The following SLC16A9 variants were observed in gnomAD, a reference collection of about 807,000 sequenced individuals.
SLC16A9 encodes the protein monocarboxylate transporter 9.
SLC16A9 carries 26 observed loss-of-function variants against 44.3 expected under a neutral mutation model. That is an observed-to-expected ratio of 0.59 (90% CI 0.43 to 0.81). The LOEUF (loss-of-function observed/expected upper bound fraction) is 0.81. Ranked by LOEUF, SLC16A9 falls within the 40% of genes least tolerant of loss-of-function variation. SLC16A9 has a pLI of 0.00. For missense variants in SLC16A9, 559 were observed against 595.8 expected (o/e 0.94, Z 0.64); for synonymous variants, 230 against 225.1 (o/e 1.02, Z -0.19).
intron 1 of SLC16A9, among the ~76,000 whole-genome samples, chr10:59,706,654 A>ACACACACACACACACACAG (rs1554875735): frequency 4.0e-5 from 1 of 25,088 alleles, no homozygotes; most frequent in African/African-American, 1.3e-4. Flanking sequence ...CACACACACA[A>ACACACACACACACACACAG]TAGGAGACTA....
At chr10:59,708,349 A>G (rs1323799124) in intron 1 of SLC16A9, among the ~76,000 whole-genome samples, 1 of 152,210 alleles carries the variant, frequency 6.6e-6, no homozygotes, top group Non-Finnish European at 1.5e-5. Context: ...TCTCTTCGGA[A>G]TCTTCTCTAG....
Position 59,653,851 on chromosome 10 carries a change from G to A in SLC16A9, c.1175C>T (p.Ala392Val), listed in dbSNP as rs532439364. Residue 392 changes from alanine to valine, a missense_variant, in exon 5 of 6, where the codon GCC becomes GTC. Physicochemically the swap from Ala to Val is moderately conservative, Grantham distance 64. Coordinates refer to ENST00000395348, the MANE Select transcript of SLC16A9 (RefSeq NM_194298.3). ...MGLALCAIPFAKSYVTLALLS... is the reference protein window; with the variant it reads ...MGLALCAIPFVKSYVTLALLS... ...CAACGCCAATGTGACATAGCTTTTG[G>A]CAAATGGAATTGCACACAAGGCTAG... The A allele has an allele frequency of 1.2e-6, 2 of 1,614,098 alleles. No individual in the cohort carries two copies. Among genetic ancestry groups the A allele is most frequent in the Non-Finnish European group, 1.7e-6 (2 of 1,180,024 alleles).
intron 4 of SLC16A9, among the ~76,000 whole-genome samples, chr10:59,658,930 C>T (rs572732526): frequency 5.3e-5 from 8 of 152,290 alleles, no homozygotes; most frequent in Non-Finnish European, 8.8e-5. Flanking sequence ...TAACTACTGA[C>T]GTTCTTCAGG....
intron 1 of SLC16A9, among the ~76,000 whole-genome samples, chr10:59,690,589 G>A (rs1317311415): frequency 6.6e-6 from 1 of 152,180 alleles, no homozygotes; most frequent in Non-Finnish European, 1.5e-5. Flanking sequence ...AATCAGGATA[G>A]GCCCGATAGG....
chr10:59,698,761 G>C (rs1840456955), intron 1 of SLC16A9, among the ~76,000 whole-genome samples: 1 of 149,174 alleles, frequency 6.7e-6, no homozygotes, highest in African/African-American at 2.5e-5. Context: ...TTTTTGAGCA[G>C]AGTTTCACTC....
intron 5 of SLC16A9, among the ~76,000 whole-genome samples, chr10:59,653,425 C>CAAAAAAAAAAA (rs562805430): frequency 0.016 from 604 of 36,688 alleles, 139 homozygotes; most frequent in Admixed American, 0.021. Flanking sequence ...AACTCCGTCT[C>CAAAAAAAAAAA]AAAAAAAAAA....
intron 1 of SLC16A9, among the ~76,000 whole-genome samples, chr10:59,698,892 C>T (rs1840459443): frequency 6.6e-6 from 1 of 152,108 alleles, no homozygotes; most frequent in Non-Finnish European, 1.5e-5. Flanking sequence ...CATCCGCCAC[C>T]ATGCCCAGCT....
chr10:59,681,302 A>T lies in SLC16A9; in HGVS notation c.196+2794T>A, dbSNP rs572629851. The stretch of plus-strand genomic sequence containing the variant: ...ATATAAACACTGTTTCAGGGTTTGC[A>T]TCTTAATTTATGCTATGAGGAACCC... On this transcript the variant is annotated intron_variant, in intron 2 of 5. Coordinates refer to ENST00000395348, the MANE Select transcript of SLC16A9 (RefSeq NM_194298.3). Among the ~76,000 whole-genome samples, 7 of 151,972 alleles carry T rather than the reference A, an allele frequency of 4.6e-5. No individual in the cohort carries two copies. In the South Asian group the frequency reaches 1.5e-3, roughly 32 times the overall value.
intron 1 of SLC16A9, among the ~76,000 whole-genome samples, chr10:59,701,449 A>G (rs1840520687): frequency 1.3e-5 from 2 of 152,212 alleles, no homozygotes; most frequent in Non-Finnish European, 2.9e-5. Context: ...CCCACAGTTT[A>G]CCCATTAGCA....
intron 1 of SLC16A9, among the ~76,000 whole-genome samples, chr10:59,696,917 C>A (rs1434590452): frequency 1.3e-5 from 1 of 75,010 alleles, no homozygotes; most frequent in Non-Finnish European, 3.0e-5. Flanking sequence ...ACAGCCACCC[C>A]GTCCGGGAGG....
chr10:59,696,031 G>T (rs1268294219), intron 1 of SLC16A9, among the ~76,000 whole-genome samples: 1 of 152,040 alleles, frequency 6.6e-6, no homozygotes, highest in African/African-American at 2.4e-5. Context: ...GATCAGAGGC[G>T]GTGTGACCCT....
intron 1 of SLC16A9, among the ~76,000 whole-genome samples, chr10:59,698,233 T>C (rs1840445133): frequency 6.6e-6 from 1 of 152,184 alleles, no homozygotes; most frequent in Admixed American, 6.5e-5. Context: ...AACAAAACTT[T>C]ACAAAACAAA....
intron 2 of SLC16A9, among the ~76,000 whole-genome samples, chr10:59,674,173 T>C (rs373173603): frequency 2.1e-4 from 32 of 152,334 alleles, no homozygotes; most frequent in African/African-American, 7.2e-4. Context: ...CTTTTCTGTA[T>C]GTATGTGTCT....
intron 4 of SLC16A9, among the ~76,000 whole-genome samples, chr10:59,657,764 T>A (rs757536587): frequency 1.3e-5 from 2 of 152,168 alleles, no homozygotes; most frequent in Non-Finnish European, 2.9e-5. Context: ...TACACATACA[T>A]CCCTTTCATA....
intron 4 of SLC16A9, among the ~76,000 whole-genome samples, chr10:59,658,213 C>A (rs533678115): frequency 6.6e-6 from 1 of 151,440 alleles, no homozygotes; most frequent in East Asian, 1.9e-4. Flanking sequence ...AACCTGGAAG[C>A]CCCTGTTTCC....
chr10:59,670,588 A>C lies in SLC16A9; in HGVS notation c.340+2182T>G, dbSNP rs77288111. Among the ~76,000 whole-genome samples, 895 of 152,356 alleles carry C rather than the reference A, an allele frequency of 5.9e-3. 3 individuals are homozygous for C. Among genetic ancestry groups the C allele is most frequent in the Non-Finnish European group, 1.0e-2 (678 of 68,024 alleles). ...GTCACACTGTCTAGCTAAAGAGGCC[A>C]TCTAGCTCATTCCAGACAAATGAAA... On this transcript the variant is annotated intron_variant, in intron 3 of 5. Coordinates refer to ENST00000395348, the MANE Select transcript of SLC16A9 (RefSeq NM_194298.3).
chr10:59,677,345 C>T (rs1329553614), intron 2 of SLC16A9, among the ~76,000 whole-genome samples: 2 of 152,086 alleles, frequency 1.3e-5, no homozygotes, highest in African/African-American at 4.8e-5. Flanking sequence ...CCTGCCTCAG[C>T]CTCCCAAAGC....
intron 2 of SLC16A9, among the ~76,000 whole-genome samples, chr10:59,674,153 GATACAT>G (rs1212541235): frequency 6.6e-6 from 1 of 152,102 alleles, no homozygotes; most frequent in Admixed American, 6.6e-5. Flanking sequence ...ATACTGTCAT[GATACAT>G]ACACTTTTCT....
In SLC16A9 at chr10:59,682,507, T is replaced by C. The variant is rs367599858; in HGVS notation, c.196+1589A>G. Among the ~76,000 whole-genome samples the C allele has an allele frequency of 6.8e-4, 104 of 152,286 alleles. No homozygotes were observed. The South Asian group carries it at 0.019, about 28-fold the overall frequency. On this transcript the variant is annotated intron_variant, in intron 2 of 5. Transcript: ENST00000395348. ...ACCAATGCCCATCCTTAAGGAGATCTCCGCTTTCCTCAGCCCTCTACTCCA... is the reference window on the plus strand; with the variant it reads ...ACCAATGCCCATCCTTAAGGAGATCCCCGCTTTCCTCAGCCCTCTACTCCA...
Sources: gnomAD v4.1 joint callset for allele counts (sites outside exome capture counted in the v4.1 genomes callset) on GRCh38, gnomAD v4.1.1 for gene constraint, MANE v1.5 for transcripts, NCBI Gene and HGNC (gene_info 2026-07-23, HGNC 2026-07-21) for gene names.